AGTR1: variants seen among roughly 807,000 people sequenced by gnomAD.
AGTR1 encodes type-1 angiotensin II receptor.
AGTR1 carries 16 observed loss-of-function variants against 19.4 expected under a neutral mutation model. That is an observed-to-expected ratio of 0.82 (90% confidence interval 0.56 to 1.25). The LOEUF (loss-of-function observed/expected upper bound fraction) is 1.25, where lower values mean the gene tolerates loss of function less well. Among genes scored for constraint, AGTR1 ranks in the 50% most tolerant of loss-of-function variants. The pLI, the probability that AGTR1 is intolerant of heterozygous loss-of-function variation, is 0.00. For missense variants in AGTR1, 373 were observed against 431.9 expected (o/e 0.86, Z 1.21); for synonymous variants, 153 against 154.9 (o/e 0.99, Z 0.09).
At chr3:148,731,068 T>C (rs1714226204) in intron 2 of AGTR1, 1 of 152,244 alleles carries the variant, frequency 6.6e-6, no homozygotes, top group Admixed American at 6.5e-5. Context: ...GACAATAGTT[T>C]GGATATATTG....
intron 2 of AGTR1, among the ~76,000 whole-genome samples, chr3:148,733,950 G>A (rs1287501394): frequency 6.6e-6 from 1 of 152,058 alleles, no homozygotes; most frequent in Non-Finnish European, 1.5e-5. Context: ...GAAGGAAGAT[G>A]TTTAAAGCAT....
At chr3:148,717,690 T>C (rs763535574) in intron 2 of AGTR1, among the ~76,000 whole-genome samples, 2 of 152,134 alleles carry the variant, frequency 1.3e-5, no homozygotes, top group Non-Finnish European at 2.9e-5. Context: ...CTCATTTCAG[T>C]GAGGAAAATT....
At chr3:148,719,279 C>T (rs562501654) in intron 2 of AGTR1, among the ~76,000 whole-genome samples, 101 of 142,622 alleles carry the variant, frequency 7.1e-4, no homozygotes, top group Non-Finnish European at 1.1e-3. Context: ...TGATAAAATT[C>T]ACATATTTCA....
chr3:148,734,842 G>A (rs527691503), intron 2 of AGTR1, among the ~76,000 whole-genome samples: 4 of 152,096 alleles, frequency 2.6e-5, no homozygotes, highest in African/African-American at 7.2e-5. Context: ...AGGCTCAAAC[G>A]CTTCATCAAA....
intron 1 of AGTR1, among the ~76,000 whole-genome samples, chr3:148,707,511 A>G (rs539126166): frequency 3.3e-5 from 5 of 152,360 alleles, no homozygotes; most frequent in African/African-American, 1.2e-4. Flanking sequence ...ATTATGGTAC[A>G]ATAAAATGTG....
chr3:148,716,280 A>C lies in AGTR1; in HGVS notation c.-48+8253A>C, dbSNP rs1713299673. Among the ~76,000 whole-genome samples the C allele has an allele frequency of 6.6e-6, 1 of 152,088 alleles. No homozygotes were observed. Among genetic ancestry groups the C allele is most frequent in the East Asian group, 1.9e-4 (1 of 5,180 alleles). Reference sequence around the variant, plus strand: ...TGGAAGCCCTGGTCTCACAGAACTAAAAAGGAGGCTCCTAGAAATGGGGTT... The same window carrying C: ...TGGAAGCCCTGGTCTCACAGAACTACAAAGGAGGCTCCTAGAAATGGGGTT... On this transcript the variant is annotated intron_variant, in intron 2 of 2. Transcript: ENST00000349243. This position sits in a 1 kb window ranked among gnomAD's most constrained non-coding sequence, Gnocchi z 4.7.
intron 2 of AGTR1, among the ~76,000 whole-genome samples, chr3:148,724,224 G>A (rs1431498721): frequency 6.6e-6 from 1 of 152,072 alleles, no homozygotes; most frequent in Non-Finnish European, 1.5e-5. Flanking sequence ...AAAGGGGGAG[G>A]GCCCTCCATT....
intron 2 of AGTR1, among the ~76,000 whole-genome samples, chr3:148,726,128 A>T (rs952225374): frequency 6.6e-6 from 1 of 152,174 alleles, no homozygotes; most frequent in African/African-American, 2.4e-5. Flanking sequence ...TTTGTCCAAG[A>T]TCTCAATTTC....
chr3:148,737,010 C>T (rs1332669276), intron 2 of AGTR1, among the ~76,000 whole-genome samples: 3 of 152,136 alleles, frequency 2.0e-5, no homozygotes, highest in Non-Finnish European at 2.9e-5. Context: ...AACCAGCATC[C>T]GTTCAGCTTC....
At chr3:148,730,146 C>T (rs147283545) in intron 2 of AGTR1, 3 of 398,094 alleles carry the variant, frequency 7.5e-6, no homozygotes, top group Non-Finnish European at 1.3e-5. Flanking sequence ...TCATCCTCAT[C>T]GTGAACATTA....
Position 148,741,464 on chromosome 3 carries a change from T to C in AGTR1, c.429T>C (p.Leu143=), listed in dbSNP as rs778815388. The change falls in exon 3 of 3, where the codon CTT becomes CTC. Residue 143 remains leucine (L), a synonymous_variant. Transcript: ENST00000349243. ...PMKSRLRRTM[L]VAKVTCIIIW... Reference sequence around the variant, plus strand: ...AGTCCCGCCTTCGACGCACAATGCTTGTAGCCAAAGTCACCTGCATCATCA... The same window carrying C: ...AGTCCCGCCTTCGACGCACAATGCTCGTAGCCAAAGTCACCTGCATCATCA... 1 of 1,612,414 alleles carries C rather than the reference T, an allele frequency of 6.2e-7. No individual in the cohort carries two copies.
At chr3:148,701,264 G>A (rs1712319534) in intron 1 of AGTR1, among the ~76,000 whole-genome samples, 1 of 152,122 alleles carries the variant, frequency 6.6e-6, no homozygotes, top group African/African-American at 2.4e-5. Flanking sequence ...TAGACAACTG[G>A]AAATAGAAAA....
intron 2 of AGTR1, chr3:148,739,650 C>A: frequency 1.5e-6 from 1 of 652,584 alleles, no homozygotes; most frequent in Non-Finnish European, 2.2e-6. Context: ...GTCTTAAAAG[C>A]TGACTACTGG....
chr3:148,708,685 T>C (rs3772630), intron 2 of AGTR1, among the ~76,000 whole-genome samples: 65,798 of 152,016 alleles, frequency 0.43, 16,060 homozygotes, highest in African/African-American at 0.68. Context: ...GCCAGGACTG[T>C]TTTGTCTATC....
intron 1 of AGTR1, among the ~76,000 whole-genome samples, chr3:148,701,535 T>C (rs1485118428): frequency 6.6e-6 from 1 of 152,214 alleles, no homozygotes; most frequent in Non-Finnish European, 1.5e-5. Context: ...TTGTTTTTGT[T>C]TTGTTTGTGT....
At chr3:148,729,089 C>T (rs1163671317) in intron 2 of AGTR1, among the ~76,000 whole-genome samples, 4 of 152,160 alleles carry the variant, frequency 2.6e-5, no homozygotes, top group African/African-American at 7.2e-5. Context: ...AGCACTAACA[C>T]GGTTATTATA....
At chr3:148,720,953 A>G (rs1383980631) in intron 2 of AGTR1, among the ~76,000 whole-genome samples, 2 of 152,204 alleles carry the variant, frequency 1.3e-5, no homozygotes, top group African/African-American at 4.8e-5. Context: ...TTTTATTACT[A>G]CAAATCACAC....
rs1713303582 is a variant in AGTR1 at position 148,716,366 on chromosome 3, A to C, written c.-48+8339A>C. Among the ~76,000 whole-genome samples the C allele has an allele frequency of 6.6e-6, 1 of 152,206 alleles. No homozygotes were observed. The highest frequency in any genetic ancestry group is 2.4e-5 in the African/African-American group (1 of 41,466). On this transcript the variant is annotated intron_variant, in intron 2 of 2. Transcript: ENST00000349243. The surrounding 1 kb of genome is among the most constrained non-coding windows in gnomAD (Gnocchi z 4.7). ...TGAAATATAATCCAAAGAGAACAAG[A>C]TCTAGTAGAATTTCAGGTCCTAAGC...
chr3:148,724,654 C>G (rs1713830153), intron 2 of AGTR1, among the ~76,000 whole-genome samples: 1 of 152,126 alleles, frequency 6.6e-6, no homozygotes, highest in Non-Finnish European at 1.5e-5. Context: ...ACAGGAGATA[C>G]AGCTACCCTC....
Sources: allele counts gnomAD v4.1 joint callset (sites outside exome capture counted in the v4.1 genomes callset), GRCh38; gene constraint gnomAD v4.1.1; non-coding constraint Gnocchi (gnomAD v3.1); transcripts MANE v1.5; gene names NCBI Gene and HGNC (gene_info 2026-07-23, HGNC 2026-07-21).